The following TSC22D1 variants were observed in gnomAD, a reference collection of about 807,000 sequenced individuals.
The protein encoded by TSC22D1 is TSC22 domain family protein 1.
A neutral mutation model predicts 74.2 loss-of-function variants in TSC22D1; 9 were observed. The observed-to-expected ratio is 0.12, with a 90% CI of 0.07 to 0.21. The LOEUF (loss-of-function observed/expected upper bound fraction) is 0.21, where lower values mean the gene tolerates loss of function less well. Among genes scored for constraint, TSC22D1 ranks in the 10% least tolerant of loss-of-function variants. The pLI, the probability that TSC22D1 is intolerant of heterozygous loss-of-function variation, is 1.00. For synonymous variants in TSC22D1, 586 were observed against 492.5 expected (o/e 1.19, Z -2.51); for missense variants, 1,427 against 1,304.7 (o/e 1.09, Z -1.44).
intron 1 of TSC22D1, among the ~76,000 whole-genome samples, chr13:44,453,148 A>G (rs1398015494): frequency 6.6e-6 from 1 of 152,206 alleles, no homozygotes; most frequent in African/African-American, 2.4e-5. Context: ...TGCCTCTAAG[A>G]TACCAGTGTC....
intron 1 of TSC22D1, among the ~76,000 whole-genome samples, chr13:44,500,019 G>A (rs1037227072): frequency 5.3e-5 from 8 of 151,444 alleles, no homozygotes; most frequent in Non-Finnish European, 1.2e-4. Flanking sequence ...CCCAGGAGGC[G>A]GAGGTTGCAG....
chr13:44,453,143 C>T (rs1470823813), intron 1 of TSC22D1, among the ~76,000 whole-genome samples: 4 of 152,204 alleles, frequency 2.6e-5, no homozygotes, highest in Admixed American at 2.6e-4. Context: ...TAGTTTGCCT[C>T]TAAGATACCA....
At chr13:44,544,967 AAC>A (rs1881725711) in intron 1 of TSC22D1, among the ~76,000 whole-genome samples, 1 of 152,214 alleles carries the variant, frequency 6.6e-6, no homozygotes, top group Admixed American at 6.5e-5. Context: ...CAATCATAGA[AAC>A]ACAGTTGCAT....
At chr13:44,438,540 A>G (rs1208754445) in intron 1 of TSC22D1, among the ~76,000 whole-genome samples, 1 of 152,260 alleles carries the variant, frequency 6.6e-6, no homozygotes, top group African/African-American at 2.4e-5. Context: ...TTTTGGGTTA[A>G]AAACCAAAGT....
intron 1 of TSC22D1, among the ~76,000 whole-genome samples, chr13:44,550,579 T>A (rs1280525166): frequency 7.2e-6 from 1 of 138,290 alleles, no homozygotes; most frequent in Non-Finnish European, 1.5e-5. Context: ...TGAAACTCTG[T>A]CTCGGGGAAA....
At chr13:44,534,193 T>C (rs1215125787) in intron 1 of TSC22D1, among the ~76,000 whole-genome samples, 1 of 147,610 alleles carries the variant, frequency 6.8e-6, no homozygotes, top group Admixed American at 6.8e-5. Flanking sequence ...GCCACTGCAC[T>C]GCAGCCTGAG....
chr13:44,501,916 A>G (rs1296105228), intron 1 of TSC22D1, among the ~76,000 whole-genome samples: 1 of 152,156 alleles, frequency 6.6e-6, no homozygotes, highest in East Asian at 1.9e-4. Context: ...ACCTACCTAA[A>G]ATTGTACTCA....
intron 1 of TSC22D1, among the ~76,000 whole-genome samples, chr13:44,546,494 C>G (rs994544261): frequency 3.9e-5 from 6 of 151,942 alleles, no homozygotes; most frequent in Non-Finnish European, 7.4e-5. Context: ...TCAAAAGTGT[C>G]AAAGTCATGA....
At chr13:44,507,403 C>G (rs937047070) in intron 1 of TSC22D1, among the ~76,000 whole-genome samples, 14 of 150,950 alleles carry the variant, frequency 9.3e-5, no homozygotes, top group African/African-American at 3.4e-4. Context: ...TACTGAAGGA[C>G]TAAGGAAGAT....
At chr13:44,450,182 G>A (rs747725706) in intron 1 of TSC22D1, among the ~76,000 whole-genome samples, 4 of 152,224 alleles carry the variant, frequency 2.6e-5, no homozygotes, top group Non-Finnish European at 4.4e-5. Context: ...AACACTCCAT[G>A]AAAAAGGAAG....
At chr13:44,570,520 AT>A (rs894354107) in intron 1 of TSC22D1, among the ~76,000 whole-genome samples, 3 of 152,006 alleles carry the variant, frequency 2.0e-5, no homozygotes, top group African/African-American at 7.3e-5. Context: ...AATAAGAATG[AT>A]TTTTTTTAAA....
rs1056898277 is a variant in TSC22D1 at position 44,434,195 on chromosome 13, T to TG, written c.*430dup. On this transcript the variant is annotated 3_prime_UTR_variant, in exon 3 of 3. Coordinates refer to ENST00000458659, the MANE Select transcript of TSC22D1 (RefSeq NM_183422.4). ...TTTTACCCTCCTTTCAAGTTCCTCC[T>TG]GGGGGGAGGAGAGGAGAGAGGCGAG... is the stretch of plus-strand genomic sequence containing the variant. 7.5e-6 allele frequency: 11 copies of TG among 1,459,890 alleles called. No homozygotes were observed. The highest frequency in any genetic ancestry group is 2.9e-5 in the African/African-American group (2 of 68,824). 90.4% of individuals were successfully genotyped at this position (1,459,890 alleles called of 1,614,324 possible). A position where few individuals can be genotyped will look rare whatever the true frequency, so the allele number is the denominator to read the frequency against.
At chr13:44,501,863 C>T (rs867257100) in intron 1 of TSC22D1, among the ~76,000 whole-genome samples, 7 of 151,860 alleles carry the variant, frequency 4.6e-5, no homozygotes, top group Non-Finnish European at 2.9e-5. Flanking sequence ...TTCCCAAAGT[C>T]GCCAAATGAT....
intron 1 of TSC22D1, among the ~76,000 whole-genome samples, chr13:44,438,733 G>C (rs1442854069): frequency 6.6e-6 from 1 of 152,022 alleles, no homozygotes; most frequent in African/African-American, 2.4e-5. Context: ...AGGAGACTAA[G>C]TAGAAGCTTA....
chr13:44,487,498 CAAAAAAAAAAAAAAAAAA>C (rs61034237), intron 1 of TSC22D1, among the ~76,000 whole-genome samples: 2 of 23,454 alleles, frequency 8.5e-5, no homozygotes, highest in East Asian at 1.7e-3. Context: ...GACTCCATCT[CAAAAAAAAAAAAAAAAAA>C]AAAAAAAAAA....
At chr13:44,453,247 T>C (rs1159562151) in intron 1 of TSC22D1, among the ~76,000 whole-genome samples, 1 of 151,430 alleles carries the variant, frequency 6.6e-6, no homozygotes, top group African/African-American at 2.4e-5. Context: ...TTTCAATGCA[T>C]ACTAACAGCG....
chr13:44,470,049 A>T (rs1407746044), intron 1 of TSC22D1, among the ~76,000 whole-genome samples: 1 of 152,182 alleles, frequency 6.6e-6, no homozygotes, highest in Non-Finnish European at 1.5e-5. Flanking sequence ...CAGAGAAAGG[A>T]TTGCTGCTGG....
chr13:44,570,501 G>A (rs1324887992), intron 1 of TSC22D1, among the ~76,000 whole-genome samples: 2 of 152,048 alleles, frequency 1.3e-5, no homozygotes, highest in East Asian at 3.9e-4. Context: ...CTGACATTAA[G>A]ACCTTTTAAA....
intron 1 of TSC22D1, among the ~76,000 whole-genome samples, chr13:44,546,353 T>C (rs779116696): frequency 1.3e-5 from 2 of 152,198 alleles, no homozygotes; most frequent in Non-Finnish European, 2.9e-5. Flanking sequence ...ATGATCAAGA[T>C]GACATCACCA....
Sources: allele counts gnomAD v4.1 joint callset (sites outside exome capture counted in the v4.1 genomes callset), GRCh38; gene constraint gnomAD v4.1.1; transcripts MANE v1.5; gene names NCBI Gene and HGNC (gene_info 2026-07-23, HGNC 2026-07-21).